The following DIP2A variants were observed in gnomAD, a reference collection of about 807,000 sequenced individuals.
DIP2A encodes the protein disco-interacting protein 2 homolog A.
A neutral mutation model predicts 177.4 loss-of-function variants in DIP2A; 85 were observed. The ratio of observed to expected loss-of-function variants is 0.48; its 90% CI spans 0.40 to 0.57. The LOEUF is 0.57. DIP2A is among the 20% of genes least tolerant of loss of function. DIP2A has a pLI of 0.00. For synonymous variants in DIP2A, 886 were observed against 881.8 expected (o/e 1.00, Z -0.08); for missense variants, 1,791 against 2,100.2 (o/e 0.85, Z 2.88).
rs1047124764 is a variant in DIP2A, at chr21:46,498,492, C to T, written c.404-90C>T. 4.1e-6 allele frequency: 6 copies of T among 1,471,016 alleles called. No individual in the cohort carries two copies. The highest frequency in any genetic ancestry group is 5.5e-6 in the Non-Finnish European group (6 of 1,088,620). 91.1% of individuals were successfully genotyped at this position (1,471,016 alleles called of 1,614,324 possible). ...CAGGTGTACAGAAGCATGCTGCACA[C>T]AGGTCTGGGAGGCTCCAGTGTGAGT... On this transcript the variant is annotated intron_variant, in intron 4 of 37. Transcript: ENST00000417564. This position sits in a 1 kb window ranked among gnomAD's most constrained non-coding sequence, Gnocchi z 4.3.
intron 5 of DIP2A, 168 bp from the exon 6 acceptor site, chr21:46,504,193 G>A (rs1164732499): frequency 1.2e-6 from 1 of 863,334 alleles, no homozygotes. Context: ...AGTTCATAGG[G>A]TCCCAGTATG....
chr21:46,522,926 A>T (rs1343485792), intron 8 of DIP2A, among the ~76,000 whole-genome samples: 3 of 151,818 alleles, frequency 2.0e-5, no homozygotes, highest in South Asian at 4.2e-4. Flanking sequence ...TAATTAATTT[A>T]AAAAAATTTT....
intron 1 of DIP2A, among the ~76,000 whole-genome samples, chr21:46,477,701 G>A (rs1391689383): frequency 1.3e-5 from 2 of 150,406 alleles, no homozygotes; most frequent in African/African-American, 4.9e-5. Context: ...AGCCTCCTGA[G>A]TAGCTGGGAT....
At chr21:46,506,722 G>A (rs2058004629) in intron 6 of DIP2A, among the ~76,000 whole-genome samples, 1 of 38,004 alleles carries the variant, frequency 2.6e-5, no homozygotes, top group African/African-American at 9.0e-5. Context: ...AATTGTGCTT[G>A]TTTTTCTTTC....
intron 1 of DIP2A, among the ~76,000 whole-genome samples, chr21:46,480,069 T>G (rs1012090528): frequency 1.7e-4 from 22 of 132,054 alleles, no homozygotes; most frequent in Non-Finnish European, 1.7e-4. Flanking sequence ...TTTTTTTTTT[T>G]TTTGTGTGGC....
At chr21:46,521,112 T>A (rs2058803333) in intron 8 of DIP2A, among the ~76,000 whole-genome samples, 1 of 152,206 alleles carries the variant, frequency 6.6e-6, no homozygotes, top group Admixed American at 6.5e-5. Context: ...AGACTTAGCT[T>A]TCCAAATAAT....
the DIP2A span, among the ~76,000 whole-genome samples, chr21:46,581,945 G>A: frequency 2.0e-5 from 3 of 152,210 alleles, no homozygotes; most frequent in African/African-American, 7.2e-5. Context: ...CCTGCTTAAA[G>A]AAGCAGTCTG....
intron 1 of DIP2A, among the ~76,000 whole-genome samples, chr21:46,471,725 A>G (rs2148329258): frequency 6.6e-6 from 1 of 152,280 alleles, no homozygotes; most frequent in East Asian, 1.9e-4. Context: ...TTCCCTTTTC[A>G]CACAGGAAAT....
chr21:46,545,388 C>T, intron 19 of DIP2A, 115 bp downstream of exon 19: 1 of 1,276,872 alleles, frequency 7.8e-7, no homozygotes, highest in Non-Finnish European at 1.1e-6. Context: ...TCTCCTTCCA[C>T]ACAGGCGCTG....
intron 8 of DIP2A, among the ~76,000 whole-genome samples, chr21:46,524,423 C>T (rs1432628328): frequency 1.3e-5 from 2 of 152,120 alleles, no homozygotes; most frequent in Non-Finnish European, 2.9e-5. Flanking sequence ...CATCCTTTAC[C>T]CTGGTAAATG....
chr21:46,542,545 C>A (rs1170139592), intron 18 of DIP2A, among the ~76,000 whole-genome samples: 2 of 152,374 alleles, frequency 1.3e-5, no homozygotes, highest in East Asian at 3.9e-4. Context: ...CTCTGTAGGC[C>A]TGACCGTCAT....
At chr21:46,502,165 T>G (rs2057686770) in intron 5 of DIP2A, among the ~76,000 whole-genome samples, 1 of 152,122 alleles carries the variant, frequency 6.6e-6, no homozygotes, top group Non-Finnish European at 1.5e-5. Context: ...AGATAAGATC[T>G]CACTCTGTGG....
intron 6 of DIP2A, among the ~76,000 whole-genome samples, chr21:46,505,317 G>A (rs1052395315): frequency 1.3e-5 from 2 of 152,114 alleles, no homozygotes; most frequent in African/African-American, 4.8e-5. Context: ...TATTTAAAGT[G>A]TACAGTTTCG....
chr21:46,551,230 T>G (rs1163623563), intron 23 of DIP2A, among the ~76,000 whole-genome samples: 1 of 152,236 alleles, frequency 6.6e-6, no homozygotes, highest in African/African-American at 2.4e-5. Flanking sequence ...TTTCATTTCT[T>G]TGGTCCTGTT....
At chr21:46,524,097 A>G (rs771515355) in intron 8 of DIP2A, among the ~76,000 whole-genome samples, 4 of 152,192 alleles carry the variant, frequency 2.6e-5, no homozygotes, top group Non-Finnish European at 5.9e-5. Context: ...GGGAGAAAAA[A>G]TGCTCCCATG....
Position 46,563,211 on chromosome 21 carries a change from G to A in DIP2A, c.4090-647G>A, listed in dbSNP as rs1049345655. Among the ~76,000 whole-genome samples the A allele has an allele frequency of 3.3e-5, 5 of 152,084 alleles. No homozygotes were observed. The highest frequency in any genetic ancestry group is 7.2e-5 in the African/African-American group (3 of 41,408). ...AGCTCACACCTCCCTGTGGCCCGTCGTCCCCTCCTCTTGCCTGCCCTGAGC... is the reference window on the plus strand; with the variant it reads ...AGCTCACACCTCCCTGTGGCCCGTCATCCCCTCCTCTTGCCTGCCCTGAGC... On this transcript the variant is annotated intron_variant, in intron 34 of 37. Transcript: ENST00000417564. This position sits in a 1 kb window ranked among gnomAD's most constrained non-coding sequence, Gnocchi z 4.3.
Position 46,556,680 on chromosome 21 carries a change from C to T in DIP2A, c.3499-259C>T. On this transcript the variant is annotated intron_variant, in intron 29 of 37. Transcript: ENST00000417564. This position sits in a 1 kb window ranked among gnomAD's most constrained non-coding sequence, Gnocchi z 4.5. ...CCTGGGCGACAGAGCAAGACTCTGC[C>T]TCAAAAAAAAAAAAAAGAAAAAAAT... 2.8e-6 allele frequency: 1 copy of T among 359,112 alleles called. No homozygotes were observed. The highest frequency in any genetic ancestry group is 5.0e-6 in the Non-Finnish European group (1 of 198,822). The allele number at this position is 359,112 out of a possible 1,614,324, so 22.2% of individuals were successfully genotyped here.
intron 9 of DIP2A, among the ~76,000 whole-genome samples, chr21:46,530,758 G>A (rs771952419): frequency 2.6e-5 from 4 of 152,094 alleles, no homozygotes; most frequent in Non-Finnish European, 5.9e-5. Context: ...ACACCAAAAC[G>A]CATGCCCATA....
chr21:46,571,842 CAA>C (rs2060971013), downstream of DIP2A, among the ~76,000 whole-genome samples: 1 of 152,180 alleles, frequency 6.6e-6, no homozygotes, highest in Non-Finnish European at 1.5e-5. Context: ...ATGTCATCTG[CAA>C]ACAGAGACAA....
Sources: gnomAD v4.1 joint callset for allele counts (sites outside exome capture counted in the v4.1 genomes callset) on GRCh38, gnomAD v4.1.1 for gene constraint, Gnocchi (gnomAD v3.1) non-coding constraint, MANE v1.5 for transcripts, NCBI Gene and HGNC (gene_info 2026-07-23, HGNC 2026-07-21) for gene names.